Variants in KAZN observed in about 807,000 individuals in gnomAD.
KAZN encodes the protein kazrin.
Under a neutral mutation model 87.4 loss-of-function variants are expected in KAZN, and 40 were observed. That is an observed-to-expected ratio of 0.46 (90% confidence interval 0.36 to 0.60). The LOEUF (loss-of-function observed/expected upper bound fraction) is 0.60. Among genes scored for constraint, KAZN ranks in the 20% least tolerant of loss-of-function variants. The pLI, the probability that KAZN is intolerant of heterozygous loss-of-function variation, is 0.00. For missense variants in KAZN, 898 were observed against 1,073.9 expected (o/e 0.84, Z 2.29); for synonymous variants, 466 against 458.3 (o/e 1.02, Z -0.22).
At chr1:14,912,943 G>A (rs1317634476) in intron 1 of KAZN, among the ~76,000 whole-genome samples, 1 of 152,156 alleles carries the variant, frequency 6.6e-6, no homozygotes, top group African/African-American at 2.4e-5. Flanking sequence ...GGGATGAAAC[G>A]AGCCAATGCC....
chr1:14,154,787 G>A (rs932344577), intron 1 of KAZN, among the ~76,000 whole-genome samples: 22 of 152,208 alleles, frequency 1.4e-4, no homozygotes, highest in Admixed American at 6.5e-4. Context: ...GTGACATTAT[G>A]CATCATATTG....
chr1:14,144,341 A>G (rs1645301769), intron 1 of KAZN, among the ~76,000 whole-genome samples: 4 of 152,204 alleles, frequency 2.6e-5, no homozygotes, highest in Admixed American at 2.6e-4. Flanking sequence ...CACATCTTCC[A>G]GAACTTTCCT....
chr1:14,417,011 TACACACACAC>T (rs58667891), intron 2 of KAZN, among the ~76,000 whole-genome samples: 58 of 145,598 alleles, frequency 4.0e-4, no homozygotes, highest in East Asian at 1.4e-3. Flanking sequence ...TATATATATG[TACACACACAC>T]ACACACACAC....
upstream of KAZN, among the ~76,000 whole-genome samples, chr1:14,596,184 G>A (rs377112330): frequency 1.1e-4 from 17 of 152,138 alleles, no homozygotes; most frequent in South Asian, 8.3e-4. Context: ...ATAAAAAGCC[G>A]GATAACCCTC....
chr1:14,215,280 G>A (rs1646935992), intron 2 of KAZN, among the ~76,000 whole-genome samples: 1 of 152,174 alleles, frequency 6.6e-6, no homozygotes, highest in African/African-American at 2.4e-5. Flanking sequence ...TGTCATTACA[G>A]GTTATTCATT....
At chr1:14,790,362 C>T (rs1645637410) in intron 1 of KAZN, among the ~76,000 whole-genome samples, 1 of 151,960 alleles carries the variant, frequency 6.6e-6, no homozygotes, top group South Asian at 2.1e-4. Context: ...AATAAAGGGG[C>T]TTTTTCCACT....
At chr1:14,924,138 C>A in intron 1 of KAZN, 1 of 982,462 alleles carries the variant, frequency 1.0e-6, no homozygotes, top group Non-Finnish European at 1.2e-6. Flanking sequence ...AGAGCCGTTC[C>A]CACGTGAGAG....
At chr1:13,999,251 G>A (rs1226679190) in intron 1 of KAZN, among the ~76,000 whole-genome samples, 1 of 152,208 alleles carries the variant, frequency 6.6e-6, no homozygotes, top group Non-Finnish European at 1.5e-5. Context: ...AGGAGGCTGA[G>A]ACAGTAGAAT....
chr1:15,058,724 A>G (rs1018342033), intron 5 of KAZN, among the ~76,000 whole-genome samples: 3 of 152,190 alleles, frequency 2.0e-5, no homozygotes, highest in Admixed American at 2.0e-4. Flanking sequence ...TAAATATACT[A>G]TTAAATAACA....
chr1:14,418,855 G>C lies in KAZN; in HGVS notation c.250-180128G>C, dbSNP rs138719892. ...TTTGGTTACCATGAGTCAGTCACCA[G>C]TACACTTGTGTGTGTGCAAATGAAA... On this transcript the variant is annotated intron_variant, in intron 2 of 16. Transcript: ENST00000636203. Among the ~76,000 whole-genome samples, 1,170 of 152,278 alleles carry C rather than the reference G, an allele frequency of 7.7e-3. 14 individuals carry two copies. The highest frequency in any genetic ancestry group is 0.026 in the African/African-American group (1,097 of 41,540).
intron 2 of KAZN, among the ~76,000 whole-genome samples, chr1:14,363,938 C>T (rs1041870127): frequency 8.0e-5 from 12 of 150,658 alleles, no homozygotes; most frequent in African/African-American, 4.9e-5. Flanking sequence ...TTGGTAAATG[C>T]ATGCCTTATC....
At chr1:14,359,591 A>T (rs1227214993) in intron 2 of KAZN, among the ~76,000 whole-genome samples, 1 of 152,022 alleles carries the variant, frequency 6.6e-6, no homozygotes, top group Admixed American at 6.6e-5. Flanking sequence ...TCCTTTCCAT[A>T]TTTAGTGAGT....
intron 2 of KAZN, among the ~76,000 whole-genome samples, chr1:14,201,395 G>A (rs887842206): frequency 2.6e-5 from 4 of 152,242 alleles, no homozygotes; most frequent in Non-Finnish European, 4.4e-5. Flanking sequence ...CCAGAGCATC[G>A]GACAGTCCCT....
intron 2 of KAZN, among the ~76,000 whole-genome samples, chr1:14,325,204 T>A (rs1044303980): frequency 1.3e-5 from 2 of 152,178 alleles, no homozygotes; most frequent in Non-Finnish European, 2.9e-5. Context: ...TCACCTCGGA[T>A]ATTCTTGCAT....
In KAZN at chr1:14,820,872, G is replaced by A. The variant is rs571155721; in HGVS notation, c.227-139812G>A. Among the ~76,000 whole-genome samples, 35 of 152,234 alleles carry A rather than the reference G, an allele frequency of 2.3e-4. No homozygotes were observed. Among genetic ancestry groups the A allele is most frequent in the African/African-American group, 7.7e-4 (32 of 41,548 alleles). On this transcript the variant is annotated intron_variant, in intron 1 of 14. Transcript: ENST00000376030. The surrounding 1 kb of genome is among the most constrained non-coding windows in gnomAD (Gnocchi z 4.1). ...CGCCCAAGATGGCCAGGAGAGAAGA[G>A]CCGAGGGGCAGGGTGAGCAAAAGGT...
chr1:14,299,023 A>G (rs1654336274), intron 2 of KAZN, among the ~76,000 whole-genome samples: 1 of 152,156 alleles, frequency 6.6e-6, no homozygotes, highest in Non-Finnish European at 1.5e-5. Context: ...GGCTATTGTT[A>G]ATGCAACCAG....
intron 2 of KAZN, among the ~76,000 whole-genome samples, chr1:14,558,442 C>T (rs1292254298): frequency 6.6e-6 from 1 of 152,114 alleles, no homozygotes; most frequent in Admixed American, 6.5e-5. Flanking sequence ...CAAGGATTAT[C>T]GTTTGTTGGG....
intron 1 of KAZN, among the ~76,000 whole-genome samples, chr1:14,118,053 G>A (rs1210868922): frequency 3.3e-5 from 5 of 152,168 alleles, no homozygotes; most frequent in Admixed American, 6.5e-5. Flanking sequence ...TGAGACCGGG[G>A]CGTTGCATGG....
intron 1 of KAZN, among the ~76,000 whole-genome samples, chr1:13,987,932 C>T (rs1229342107): frequency 3.9e-5 from 6 of 152,110 alleles, no homozygotes; most frequent in Admixed American, 2.6e-4. Flanking sequence ...TGTTGAGAAC[C>T]TTTGTGCTGT....
Sources: allele counts gnomAD v4.1 joint callset (sites outside exome capture counted in the v4.1 genomes callset), GRCh38; gene constraint gnomAD v4.1.1; non-coding constraint Gnocchi (gnomAD v3.1); transcripts MANE v1.5; gene names NCBI Gene and HGNC (gene_info 2026-07-23, HGNC 2026-07-21).